Variants in SEM1 observed in about 807,000 individuals in gnomAD.
SEM1 encodes SEM1 26S proteasome subunit.
A neutral mutation model predicts 12.7 loss-of-function variants in SEM1; 3 were observed. The observed-to-expected ratio is 0.24, with a 90% confidence interval of 0.11 to 0.61. The LOEUF (loss-of-function observed/expected upper bound fraction) is 0.61, where lower values mean the gene tolerates loss of function less well. Ranked by LOEUF, SEM1 falls within the 20% of genes least tolerant of loss-of-function variation. The pLI is 0.88. For missense variants in SEM1, 59 were observed against 81.3 expected (o/e 0.73, Z 1.06); for synonymous variants, 30 against 27.8 (o/e 1.08, Z -0.25).
intron 2 of SEM1, among the ~76,000 whole-genome samples, chr7:96,628,228 T>C (rs1245251383): frequency 6.6e-6 from 1 of 152,092 alleles, no homozygotes; most frequent in Non-Finnish European, 1.5e-5. Context: ...ATTTAGTCAA[T>C]TTACATTCAA....
At chr7:96,662,509 G>C (rs534366842) in intron 2 of SEM1, among the ~76,000 whole-genome samples, 36 of 152,162 alleles carry the variant, frequency 2.4e-4, no homozygotes, top group Admixed American at 7.2e-4. Flanking sequence ...TCACACGCTG[G>C]GGCCTGTCAG....
chr7:96,557,507 G>A (rs1020934054), intron 2 of SEM1, among the ~76,000 whole-genome samples: 2 of 92,282 alleles, frequency 2.2e-5, no homozygotes, highest in South Asian at 4.4e-4. Flanking sequence ...CTGCTCGGGG[G>A]TCAGGGGTCA....
chr7:96,703,100 T>C (rs1357797167), intron 1 of SEM1, among the ~76,000 whole-genome samples: 1 of 152,244 alleles, frequency 6.6e-6, no homozygotes, highest in African/African-American at 2.4e-5. Context: ...GTATCCCTTA[T>C]TCAAAATGCT....
At chr7:96,529,455 T>C (rs1584740274) in intron 2 of SEM1, among the ~76,000 whole-genome samples, 1 of 152,150 alleles carries the variant, frequency 6.6e-6, no homozygotes, top group East Asian at 1.9e-4. Flanking sequence ...CATATTGTAA[T>C]AGCATTTCTC....
At chr7:96,687,527 G>C (rs1388772279), downstream of SEM1, among the ~76,000 whole-genome samples, 2 of 151,360 alleles carry the variant, frequency 1.3e-5, no homozygotes, top group East Asian at 1.9e-4. Flanking sequence ...GTAAACTATC[G>C]CAAGGACAAA....
intron 2 of SEM1, chr7:96,622,656 G>A: frequency 1.3e-6 from 1 of 764,002 alleles, no homozygotes; most frequent in Non-Finnish European, 2.4e-6. Context: ...GGAAAAATTA[G>A]AAAGTAGGTG....
At chr7:96,551,954 C>T (rs141664170) in intron 2 of SEM1, among the ~76,000 whole-genome samples, 176 of 152,216 alleles carry the variant, frequency 1.2e-3, no homozygotes, top group African/African-American at 3.8e-3. Context: ...TGTTGTTTTA[C>T]GCCACCTAAT....
At chr7:96,670,686 G>C (rs1472131267), downstream of SEM1, among the ~76,000 whole-genome samples, 3 of 152,152 alleles carry the variant, frequency 2.0e-5, no homozygotes, top group African/African-American at 7.2e-5. Context: ...GCAAAGCATT[G>C]TTTGAGGAAA....
chr7:96,653,592 G>C (rs887941014), intron 2 of SEM1: 2 of 152,194 alleles, frequency 1.3e-5, no homozygotes, highest in African/African-American at 4.8e-5. Flanking sequence ...GAAGAGTCGT[G>C]ATAGTTGATA....
At chr7:96,686,128 A>G (rs1264247373), downstream of SEM1, among the ~76,000 whole-genome samples, 1 of 152,158 alleles carries the variant, frequency 6.6e-6, no homozygotes, top group South Asian at 2.1e-4. Flanking sequence ...TTTACAATAA[A>G]CAGGCCTCTC....
At chr7:96,705,176 C>A (rs1319077135) in intron 1 of SEM1, among the ~76,000 whole-genome samples, 1 of 152,120 alleles carries the variant, frequency 6.6e-6, no homozygotes, top group African/African-American at 2.4e-5. Context: ...CCAGAAATTT[C>A]TCCAGGGGCC....
downstream of SEM1, among the ~76,000 whole-genome samples, chr7:96,686,839 C>G (rs919279806): frequency 3.9e-5 from 6 of 152,046 alleles, no homozygotes; most frequent in African/African-American, 7.2e-5. Flanking sequence ...ACTACCATCA[C>G]AGTGAACAGG....
intron 2 of SEM1, among the ~76,000 whole-genome samples, chr7:96,522,139 A>C (rs561638122): frequency 6.6e-6 from 1 of 152,136 alleles, no homozygotes; most frequent in Admixed American, 6.6e-5. Context: ...AGTCAATGTT[A>C]GTATTTTGGA....
At chr7:96,589,780 A>G (rs935322637) in intron 2 of SEM1, among the ~76,000 whole-genome samples, 2 of 152,226 alleles carry the variant, frequency 1.3e-5, no homozygotes, top group Non-Finnish European at 2.9e-5. Flanking sequence ...CCCAATTTAA[A>G]GCAGAGTCCC....
chr7:96,637,376 C>T (rs1236139344), intron 2 of SEM1: 1 of 152,014 alleles, frequency 6.6e-6, no homozygotes, highest in Non-Finnish European at 1.5e-5. Flanking sequence ...CAAGCTTTTG[C>T]AGTCTTCTTC....
At chr7:96,616,272 A>G (rs1388278407) in intron 2 of SEM1, among the ~76,000 whole-genome samples, 2 of 152,082 alleles carry the variant, frequency 1.3e-5, no homozygotes, top group Non-Finnish European at 2.9e-5. Flanking sequence ...TGTGGTTTTA[A>G]TTTGCATCTC....
At chr7:96,508,662 A>G (rs1803831055) in intron 2 of SEM1, among the ~76,000 whole-genome samples, 3 of 152,178 alleles carry the variant, frequency 2.0e-5, no homozygotes, top group South Asian at 4.1e-4. Context: ...ATTACTGTCA[A>G]TAGGACTGCA....
chr7:96,562,784 A>G (rs1436411372), intron 2 of SEM1, among the ~76,000 whole-genome samples: 1 of 152,180 alleles, frequency 6.6e-6, no homozygotes, highest in African/African-American at 2.4e-5. Context: ...GAGTTTCAGC[A>G]GATAGGTAGG....
At chr7:96,569,427 T>C (rs1805949668) in intron 2 of SEM1, among the ~76,000 whole-genome samples, 2 of 152,076 alleles carry the variant, frequency 1.3e-5, no homozygotes, top group Non-Finnish European at 2.9e-5. Context: ...TAAAATACTT[T>C]TCCCCAAAAA....
Sources: allele counts gnomAD v4.1 joint callset (sites outside exome capture counted in the v4.1 genomes callset), GRCh38; gene constraint gnomAD v4.1.1; transcripts MANE v1.5; gene names NCBI Gene and HGNC (gene_info 2026-07-23, HGNC 2026-07-21).